The following WDFY4 variants were observed in gnomAD, a reference collection of about 807,000 sequenced individuals.
WDFY4 encodes WD repeat- and FYVE domain-containing protein 4.
In WDFY4, 169 loss-of-function variants were observed where a neutral mutation model predicts 351.9. That is an observed-to-expected ratio of 0.48 (90% CI 0.42 to 0.55). The LOEUF is 0.55. Ranked by LOEUF, WDFY4 falls within the 20% of genes least tolerant of loss-of-function variation. The probability of loss-of-function intolerance (pLI) is 0.00; values close to 1 mark genes in which losing one functional copy is unlikely to be tolerated. For synonymous variants in WDFY4, 1,622 were observed against 1,574.6 expected (o/e 1.03, Z -0.71); for missense variants, 3,803 against 3,935.6 (o/e 0.97, Z 0.90).
intron 41 of WDFY4, 105 bp from the exon 42 acceptor site, chr10:48,874,984 G>A (rs1313747027): frequency 2.0e-6 from 1 of 506,858 alleles, no homozygotes; most frequent in Non-Finnish European, 3.3e-6. Flanking sequence ...TAATTTGAAG[G>A]GGTCACATGC....
intron 47 of WDFY4, among the ~76,000 whole-genome samples, chr10:48,911,738 T>A (rs1278189781): frequency 3.3e-5 from 5 of 152,230 alleles, no homozygotes; most frequent in Non-Finnish European, 5.9e-5. Flanking sequence ...TGTAGAATGA[T>A]GAATGCTTTA....
At chr10:48,756,716 A>G (rs1306894894) in intron 12 of WDFY4, among the ~76,000 whole-genome samples, 1 of 152,108 alleles carries the variant, frequency 6.6e-6, no homozygotes, top group Non-Finnish European at 1.5e-5. Flanking sequence ...AAATGATATT[A>G]TCATGTGATT....
At chr10:48,688,243 A>G (rs995552955) in intron 1 of WDFY4, among the ~76,000 whole-genome samples, 1 of 152,212 alleles carries the variant, frequency 6.6e-6, no homozygotes, top group Non-Finnish European at 1.5e-5. Flanking sequence ...AAATTTCGGT[A>G]TCTGGAAAGA....
In WDFY4 at chr10:48,729,425, C is replaced by T. The variant is rs2064379775; in HGVS notation, c.972-7C>T. On this transcript the variant is annotated splice_polypyrimidine_tract_variant and splice_region_variant and intron_variant, in intron 7 of 61. Coordinates refer to ENST00000325239, the MANE Select transcript of WDFY4 (RefSeq NM_001394531.1). The stretch of plus-strand genomic sequence containing the variant: ...GTACAGGGAGCTGGCCTCATCTGTT[C>T]CCCCAGGTATGATGGGCTGACCCAG... 2.6e-6 allele frequency: 4 copies of T among 1,550,232 alleles called. No homozygotes were observed. The highest frequency in any genetic ancestry group is 2.0e-4 in the Middle Eastern group (1 of 5,018).
intron 44 of WDFY4, among the ~76,000 whole-genome samples, chr10:48,891,082 C>T (rs772580381): frequency 6.6e-6 from 1 of 152,344 alleles, no homozygotes; most frequent in South Asian, 2.1e-4. Context: ...AAACAGGCAC[C>T]GCCCCTCTCT....
intron 39 of WDFY4, among the ~76,000 whole-genome samples, chr10:48,836,144 A>C (rs1365670492): frequency 1.3e-5 from 2 of 152,118 alleles, no homozygotes; most frequent in East Asian, 1.9e-4. Context: ...AGCATCAACT[A>C]TTTGCCCTGG....
In WDFY4 at chr10:48,969,309, C is replaced by G. The variant is rs567936415; in HGVS notation, c.8769+61C>G. 4.8e-4 allele frequency: 738 copies of G among 1,525,164 alleles called. 5 individuals carry two copies. The African/African-American group carries it at 9.1e-3, about 19-fold the overall frequency. The allele number at this position is 1,525,164 out of a possible 1,614,324, so 94.5% of individuals were successfully genotyped here. ...ACCTCAGCCTTCCTCCAGCTGGAGG[C>G]AGAGATGGCCCAGAGATAAGTGAGT... On this transcript the variant is annotated intron_variant, in intron 56 of 61. Coordinates refer to ENST00000325239, the MANE Select transcript of WDFY4 (RefSeq NM_001394531.1).
At chr10:48,947,017 CACAT>C in intron 51 of WDFY4, 48 bp downstream of exon 51, 2 of 1,323,562 alleles carry the variant, frequency 1.5e-6, no homozygotes, top group Non-Finnish European at 2.1e-6. Flanking sequence ...CACACACACA[CACAT>C]ACGCCTGTAT....
intron 54 of WDFY4, 52 bp downstream of exon 54, chr10:48,964,106 G>C: frequency 6.5e-7 from 1 of 1,528,906 alleles, no homozygotes; most frequent in Non-Finnish European, 8.9e-7. Flanking sequence ...TGTGTGCAGT[G>C]TGAGGACATT....
In WDFY4 at chr10:48,821,146, A is replaced by T. The variant is rs1342166276; in HGVS notation, c.5794A>T (p.Thr1932Ser). The change falls in exon 34 of 62, where the codon ACA becomes TCA. Residue 1932 changes from threonine (T) to serine (S), a missense_variant. Thr to Ser is a moderately conservative substitution (Grantham distance 58, BLOSUM62 1). Coordinates refer to ENST00000325239, the MANE Select transcript of WDFY4 (RefSeq NM_001394531.1). ...TTCTGCTATGGAACTATTCCACATG[A>T]CAAGTGGAGGTGATGCAGCGATGTT... ...LLSAMELFHM[T>S]SGGDAAMFRD... The T allele has an allele frequency of 1.3e-6, 2 of 1,551,542 alleles. No individual in the cohort carries two copies.
intron 57 of WDFY4, 30 bp from the exon 58 acceptor site, chr10:48,974,832 C>G: frequency 6.7e-7 from 1 of 1,495,996 alleles, no homozygotes; most frequent in East Asian, 2.5e-5. Flanking sequence ...TTGAGGGTCC[C>G]TCTCCTAACC....
chr10:48,913,763 G>C, intron 47 of WDFY4: 1 of 1,614,072 alleles, frequency 6.2e-7, no homozygotes, highest in Non-Finnish European at 8.5e-7. Flanking sequence ...TGTCCAGGTG[G>C]TTCAAGCCTA....
intron 47 of WDFY4, among the ~76,000 whole-genome samples, chr10:48,915,732 C>T (rs374080479): frequency 2.2e-4 from 34 of 152,158 alleles, no homozygotes; most frequent in South Asian, 2.1e-4. Flanking sequence ...TCCTACCCTG[C>T]GAAAGGCCTG....
At chr10:48,814,217 G>GT in intron 31 of WDFY4, 135 bp downstream of exon 31, 1 of 1,264,826 alleles carries the variant, frequency 7.9e-7, no homozygotes, top group South Asian at 1.8e-5. Flanking sequence ...AAGAGGTGAG[G>GT]TAAGTTCCTA....
intron 24 of WDFY4, among the ~76,000 whole-genome samples, chr10:48,798,485 G>C (rs1373723239): frequency 6.6e-6 from 1 of 152,050 alleles, no homozygotes; most frequent in Non-Finnish European, 1.5e-5. Context: ...AGAAAGGAAA[G>C]AGACAATTGG....
Position 48,957,230 on chromosome 10 carries a change from A to G in WDFY4, c.8079A>G (p.Pro2693=), listed in dbSNP as rs1688102033. Residue 2693 remains proline, a synonymous_variant, in exon 52 of 62, where the codon CCA becomes CCG. Transcript: ENST00000325239. ...ENMSDVRELT[P]EFFYLPEFLT... Reference sequence around the variant, plus strand: ...TGAGTGACGTCAGGGAGCTGACCCCAGAGTTCTTCTACCTGCCTGAGTTCT... The same window carrying G: ...TGAGTGACGTCAGGGAGCTGACCCCGGAGTTCTTCTACCTGCCTGAGTTCT... 3.2e-6 allele frequency: 5 copies of G among 1,551,686 alleles called. No individual in the cohort carries two copies. Among genetic ancestry groups the G allele is most frequent in the Non-Finnish European group, 3.5e-6 (4 of 1,146,962 alleles).
intron 39 of WDFY4, among the ~76,000 whole-genome samples, chr10:48,847,643 C>G (rs2068821647): frequency 6.6e-6 from 1 of 152,032 alleles, no homozygotes; most frequent in African/African-American, 2.4e-5. Context: ...GGCGACACCT[C>G]CCACCTGTCT....
chr10:48,806,044 G>A lies in WDFY4; in HGVS notation c.4687G>A (p.Val1563Met). The A allele has an allele frequency of 6.4e-7, 1 of 1,551,726 alleles. No homozygotes were observed. Among genetic ancestry groups the A allele is most frequent in the Non-Finnish European group, 8.7e-7 (1 of 1,147,002 alleles). Residue 1563 changes from valine (V) to methionine (M), a missense_variant, in exon 27 of 62, where the codon GTG becomes ATG. Val to Met is a conservative substitution (Grantham distance 21, BLOSUM62 1). Coordinates refer to ENST00000325239, the MANE Select transcript of WDFY4 (RefSeq NM_001394531.1). The part of the protein sequence containing the change: ...FVVYTLKPSS[V>M]NERQICMDGA... ...TGTGTACACCCTCAAGCCTTCGTCG[G>A]TGAATGAGAGGCAGATCTGCATGGA... is the stretch of plus-strand genomic sequence containing the variant.
chr10:48,914,903 T>A (rs1838370832), intron 47 of WDFY4, among the ~76,000 whole-genome samples: 1 of 152,222 alleles, frequency 6.6e-6, no homozygotes, highest in Admixed American at 6.5e-5. Flanking sequence ...TCATGGAGAA[T>A]GCTGCCTTTT....
Sources: allele counts gnomAD v4.1 joint callset (sites outside exome capture counted in the v4.1 genomes callset), GRCh38; gene constraint gnomAD v4.1.1; transcripts MANE v1.5; gene names NCBI Gene and HGNC (gene_info 2026-07-23, HGNC 2026-07-21).